The following PAWR variants were observed in gnomAD, a reference collection of about 807,000 sequenced individuals.
PAWR encodes PRKC apoptosis WT1 regulator protein.
A neutral mutation model predicts 32.0 loss-of-function variants in PAWR; 23 were observed. The ratio of observed to expected loss-of-function variants is 0.72; its 90% CI spans 0.52 to 1.02. The LOEUF (loss-of-function observed/expected upper bound fraction) is 1.02, where lower values mean the gene tolerates loss of function less well. PAWR is among the 50% of genes least tolerant of loss of function. The pLI, the probability that PAWR is intolerant of heterozygous loss-of-function variation, is 0.00. For missense variants in PAWR, 457 were observed against 437.7 expected (o/e 1.04, Z -0.39); for synonymous variants, 226 against 187.1 (o/e 1.21, Z -1.70).
intron 2 of PAWR, among the ~76,000 whole-genome samples, chr12:79,648,515 A>G (rs1876684682): frequency 6.6e-6 from 1 of 151,942 alleles, no homozygotes; most frequent in Non-Finnish European, 1.5e-5. Flanking sequence ...TATTTGCATA[A>G]AAGGGACTGA....
chr12:79,689,067 A>G (rs1395319090), intron 2 of PAWR, among the ~76,000 whole-genome samples: 1 of 152,224 alleles, frequency 6.6e-6, no homozygotes, highest in Non-Finnish European at 1.5e-5. Flanking sequence ...ACAGTACTCA[A>G]AAAGAGATCG....
In PAWR at chr12:79,590,404, T is replaced by G. The variant is rs183033428; in HGVS notation, c.*2203A>C. Reference sequence around the variant, plus strand: ...TTAGTAGAGACGGGGTTTCTCCATGTTGGTCAAGCTGGTCTCAAACTCCCG... The same window carrying G: ...TTAGTAGAGACGGGGTTTCTCCATGGTGGTCAAGCTGGTCTCAAACTCCCG... On this transcript the variant is annotated 3_prime_UTR_variant, in exon 7 of 7. Transcript: ENST00000328827. 2 of 152,268 alleles carry G rather than the reference T, an allele frequency of 1.3e-5. No individual in the cohort carries two copies. Among genetic ancestry groups the G allele is most frequent in the African/African-American group, 4.8e-5 (2 of 41,512 alleles). The allele number at this position is 152,268 out of a possible 1,614,324, so 9.4% of individuals were successfully genotyped here. A position where few individuals can be genotyped will look rare whatever the true frequency, so the allele number is the denominator to read the frequency against.
At chr12:79,688,833 A>T (rs967889385) in intron 2 of PAWR, among the ~76,000 whole-genome samples, 2 of 152,228 alleles carry the variant, frequency 1.3e-5, no homozygotes, top group African/African-American at 2.4e-5. Context: ...GAAACAAGGT[A>T]GTTGAACCAC....
At chr12:79,597,567 A>G (rs2087081552) in intron 4 of PAWR, among the ~76,000 whole-genome samples, 1 of 152,236 alleles carries the variant, frequency 6.6e-6, no homozygotes, top group Non-Finnish European at 1.5e-5. Flanking sequence ...AAAGAGTTAC[A>G]TCAGTGGCAA....
At chr12:79,646,421 T>C (rs1025888970) in intron 2 of PAWR, among the ~76,000 whole-genome samples, 10 of 152,126 alleles carry the variant, frequency 6.6e-5, no homozygotes, top group African/African-American at 2.2e-4. Flanking sequence ...GAACAAACCA[T>C]TTGAGAAATA....
chr12:79,596,398 G>A lies in PAWR; in HGVS notation c.831+113C>T, dbSNP rs192659082. The A allele has an allele frequency of 3.3e-3, 1,916 of 585,522 alleles. 9 individuals carry two copies. The highest frequency in any genetic ancestry group is 0.012 in the South Asian group (424 of 36,382). The allele number at this position is 585,522 out of a possible 1,614,324, so 36.3% of individuals were successfully genotyped here. On this transcript the variant is annotated intron_variant, in intron 5 of 6. Coordinates refer to ENST00000328827, the MANE Select transcript of PAWR (RefSeq NM_002583.4). The stretch of plus-strand genomic sequence containing the variant: ...TAAAGGTAACAGTTGGCAGAAAAGC[G>A]CACATATTAAATATTAAGGAATATT...
Position 79,687,804 on chromosome 12 carries a change from A to G in PAWR, c.516+1925T>C, listed in dbSNP as rs1878754919. On this transcript the variant is annotated intron_variant, in intron 2 of 6. Transcript: ENST00000328827. ...TACCACTATTAAAATAATCTGAAAT[A>G]CATAAGTTGTTTTGAAAAATAAGAA... Among the ~76,000 whole-genome samples, 3 of 152,182 alleles carry G rather than the reference A, an allele frequency of 2.0e-5. No homozygotes were observed. In the South Asian group the frequency reaches 6.2e-4, roughly 31 times the overall value.
chr12:79,644,233 A>G (rs562969384), intron 2 of PAWR, among the ~76,000 whole-genome samples: 4 of 152,310 alleles, frequency 2.6e-5, no homozygotes, highest in East Asian at 1.9e-4. Context: ...CAAGACTTTT[A>G]TAAGAAAGAC....
At position 79,689,710 on chromosome 12, in the gene PAWR, C is replaced by T; in HGVS notation, c.516+19G>A. The T allele has an allele frequency of 6.5e-7, 1 of 1,535,144 alleles. No individual in the cohort carries two copies. ...TGCCCGCCCCGGCCCGGTCCGGCTG[C>T]GGCCCCCGCCCGGCTCACCTCTGCG... On this transcript the variant is annotated intron_variant, in intron 2 of 6. Transcript: ENST00000328827.
At chr12:79,682,806 A>C (rs1317007295) in intron 2 of PAWR, among the ~76,000 whole-genome samples, 1 of 152,220 alleles carries the variant, frequency 6.6e-6, no homozygotes, top group Admixed American at 6.5e-5. Flanking sequence ...GCAGTTAACC[A>C]AATATGTTCA....
chr12:79,615,028 C>T (rs1360363574), intron 3 of PAWR, among the ~76,000 whole-genome samples: 2 of 152,150 alleles, frequency 1.3e-5, no homozygotes, highest in Admixed American at 1.3e-4. Flanking sequence ...AGCACAGTCC[C>T]TTCCAAACAG....
chr12:79,656,668 G>A (rs1309299050), intron 2 of PAWR, among the ~76,000 whole-genome samples: 2 of 152,180 alleles, frequency 1.3e-5, no homozygotes, highest in Non-Finnish European at 2.9e-5. Context: ...TGGAAATATA[G>A]ATTAGTAAAT....
At chr12:79,682,221 G>T (rs192378176) in intron 2 of PAWR, among the ~76,000 whole-genome samples, 1 of 152,006 alleles carries the variant, frequency 6.6e-6, no homozygotes, top group African/African-American at 2.4e-5. Flanking sequence ...GAGCAGTCAC[G>T]GCTCACTGCA....
Position 79,653,027 on chromosome 12 carries a change from G to GTTTT in PAWR, c.517-31821_517-31820insAAAA, listed in dbSNP as rs200466960. 4.1e-3 allele frequency among the ~76,000 whole-genome samples: 622 copies of GTTTT among 152,188 alleles called. 12 individuals carry two copies. Among genetic ancestry groups the GTTTT allele is most frequent in the African/African-American group, 0.014 (590 of 41,544 alleles). On this transcript the variant is annotated intron_variant, in intron 2 of 6. Transcript: ENST00000328827. ...TCCAACTGTAAGAAATTCTGTTTTT[G>GTTTT]TGTTTGTTTTTTTATTTGTTTGTTT...
rs576835720 is a variant in PAWR at position 79,591,778 on chromosome 12, T to C, written c.*829A>G. On this transcript the variant is annotated 3_prime_UTR_variant, in exon 7 of 7. Coordinates refer to ENST00000328827, the MANE Select transcript of PAWR (RefSeq NM_002583.4). ...TAGTGTGCATGCTAATATAAAAATA[T>C]GGATTTTTTTCTCCTACACTGACTT... 132 of 152,358 alleles carry C rather than the reference T, an allele frequency of 8.7e-4. 1 individual carries two copies. The highest frequency in any genetic ancestry group is 2.8e-3 in the African/African-American group (118 of 41,556). 9.4% of individuals were successfully genotyped at this position (152,358 alleles called of 1,614,324 possible).
intron 2 of PAWR, among the ~76,000 whole-genome samples, chr12:79,623,048 T>A (rs1875101443): frequency 6.6e-6 from 1 of 152,128 alleles, no homozygotes; most frequent in South Asian, 2.1e-4. Context: ...TCAAAATTCT[T>A]TTTGGGAAGA....
chr12:79,617,760 G>A (rs1353517740), intron 3 of PAWR, among the ~76,000 whole-genome samples: 1 of 152,160 alleles, frequency 6.6e-6, no homozygotes, highest in Non-Finnish European at 1.5e-5. Context: ...CAAATCTCAT[G>A]TTGAAATGTA....
intron 2 of PAWR, among the ~76,000 whole-genome samples, chr12:79,646,168 A>C (rs1284233942): frequency 2.0e-5 from 3 of 152,170 alleles, no homozygotes; most frequent in Non-Finnish European, 4.4e-5. Context: ...AAGCTCCCAA[A>C]GGCAAAGGGA....
intron 3 of PAWR, among the ~76,000 whole-genome samples, chr12:79,618,293 T>G (rs1286585829): frequency 1.3e-5 from 2 of 152,114 alleles, no homozygotes; most frequent in East Asian, 3.9e-4. Flanking sequence ...CATGCTCAGC[T>G]AATTGTTGTA....
Sources: gnomAD v4.1 joint callset for allele counts (sites outside exome capture counted in the v4.1 genomes callset) on GRCh38, gnomAD v4.1.1 for gene constraint, MANE v1.5 for transcripts, NCBI Gene and HGNC (gene_info 2026-07-23, HGNC 2026-07-21) for gene names.